The following F11R variants were observed in gnomAD, a reference collection of about 807,000 sequenced individuals.
F11R encodes the protein junctional adhesion molecule A.
A neutral mutation model predicts 39.3 loss-of-function variants in F11R; 27 were observed. The observed-to-expected ratio is 0.69, with a 90% CI of 0.51 to 0.95. The LOEUF (loss-of-function observed/expected upper bound fraction) is 0.95, where lower values mean the gene tolerates loss of function less well. F11R is among the 40% of genes least tolerant of loss of function. The pLI, the probability that F11R is intolerant of heterozygous loss-of-function variation, is 0.00. For missense variants in F11R, 335 were observed against 372.7 expected, an observed-to-expected ratio of 0.90 and a Z score of 0.83; for synonymous variants, 131 against 144.9, an observed-to-expected ratio of 0.90 and a Z score of 0.69.
Position 160,998,606 on chromosome 1 carries a change from T to G in F11R, c.*265A>C. The G allele has an allele frequency of 1.7e-6, 1 of 583,060 alleles. No homozygotes were observed. The highest frequency in any genetic ancestry group is 3.0e-6 in the Non-Finnish European group (1 of 328,366). The allele number at this position is 583,060 out of a possible 1,614,324, so 36.1% of individuals were successfully genotyped here. ...AGGGAAGTCAATGGCATACCCAGGA[T>G]TCCTTCCTGATCCCTCAAAGAAATG... On this transcript the variant is annotated 3_prime_UTR_variant, in exon 10 of 10. Transcript: ENST00000368026.
intron 1 of F11R, among the ~76,000 whole-genome samples, chr1:161,017,691 C>T (rs1184997967): frequency 6.6e-6 from 1 of 152,158 alleles, no homozygotes; most frequent in African/African-American, 2.4e-5. Flanking sequence ...CGCTGGTTCC[C>T]CGGGTCTCCT....
chr1:161,004,469 C>A (rs1648685348), intron 1 of F11R, among the ~76,000 whole-genome samples: 1 of 152,012 alleles, frequency 6.6e-6, no homozygotes, highest in Non-Finnish European at 1.5e-5. Context: ...ATCACTTGAA[C>A]CCGGGAGGCA....
chr1:161,015,088 A>C (rs1302226486), intron 1 of F11R, among the ~76,000 whole-genome samples: 1 of 143,790 alleles, frequency 7.0e-6, no homozygotes, highest in Admixed American at 7.1e-5. Flanking sequence ...AAAAAAAAAA[A>C]ATTAAATTAA....
intron 1 of F11R, among the ~76,000 whole-genome samples, chr1:161,017,054 A>G (rs918493196): frequency 1.3e-5 from 2 of 152,144 alleles, no homozygotes; most frequent in South Asian, 2.1e-4. Flanking sequence ...TTGTTAAACA[A>G]ATGCTTGAAG....
chr1:161,015,407 A>AT (rs1553211260), intron 1 of F11R, among the ~76,000 whole-genome samples: 5,311 of 136,060 alleles, frequency 0.039, 170 homozygotes, highest in Middle Eastern at 0.099. Context: ...CAAAAAAAAA[A>AT]ATATATATAT....
chr1:161,019,961 A>C (rs940739557), intron 1 of F11R, among the ~76,000 whole-genome samples: 30 of 152,314 alleles, frequency 2.0e-4, no homozygotes, highest in African/African-American at 6.7e-4. Context: ...TACATACACC[A>C]AACTGATTGT....
intron 1 of F11R, among the ~76,000 whole-genome samples, chr1:161,015,268 G>A (rs892252801): frequency 6.7e-6 from 1 of 149,672 alleles, no homozygotes; most frequent in African/African-American, 2.5e-5. Context: ...AGTGGTGGCG[G>A]GCCCCTGTAG....
Position 161,000,275 on chromosome 1 carries a change from T to C in F11R, c.462A>G (p.Ser154=). Residue 154 remains serine (S), a synonymous_variant, in exon 5 of 10, where the codon TCA becomes TCG. Coordinates refer to ENST00000368026, the MANE Select transcript of F11R (RefSeq NM_016946.6). The stretch of plus-strand genomic sequence containing the variant: ...CAGAAGGTGGGGAACCATCTTGTTC[T>C]GAGCATGTCAGCACTGCCCGGTTCC... ...TIGNRAVLTC[S]EQDGSPPSEY... 6.2e-7 allele frequency: 1 copy of C among 1,614,188 alleles called. No individual in the cohort carries two copies. Among genetic ancestry groups the C allele is most frequent in the South Asian group, 1.1e-5 (1 of 91,086 alleles).
chr1:161,000,626 C>T lies in F11R; in HGVS notation c.388+5G>A, dbSNP rs749264677. On this transcript the variant is annotated splice_donor_5th_base_variant and intron_variant, in intron 4 of 9. Transcript: ENST00000368026. ...AGGCCCACCCAGAAGACATGGGGCA[C>T]GTACCAAGCACGATGAGCTTGACCT... 65 of 1,614,076 alleles carry T rather than the reference C, an allele frequency of 4.0e-5. No homozygotes were observed. In the East Asian group the frequency reaches 1.2e-3, roughly 30 times the overall value.
intron 1 of F11R, among the ~76,000 whole-genome samples, chr1:161,016,420 G>A (rs751796140): frequency 2.0e-5 from 3 of 152,064 alleles, no homozygotes; most frequent in Non-Finnish European, 4.4e-5. Flanking sequence ...AGTTTGCAGT[G>A]AGCCGAGATC....
At chr1:161,007,925 C>T (rs894680259) in intron 1 of F11R, among the ~76,000 whole-genome samples, 4 of 152,190 alleles carry the variant, frequency 2.6e-5, no homozygotes, top group Non-Finnish European at 5.9e-5. Context: ...TACATCAGGA[C>T]ACTCACAGTT....
At chr1:161,014,164 T>C (rs1354320110) in intron 1 of F11R, among the ~76,000 whole-genome samples, 1 of 152,240 alleles carries the variant, frequency 6.6e-6, no homozygotes. Flanking sequence ...ATCCAGGTCT[T>C]TCCTGAATCT....
At chr1:161,002,215 T>TCG (rs1239433707) in intron 1 of F11R, among the ~76,000 whole-genome samples, 1 of 137,496 alleles carries the variant, frequency 7.3e-6, no homozygotes, top group Non-Finnish European at 1.5e-5. Context: ...TGAGCCGAGA[T>TCG]CGCGCCACTG....
At chr1:161,017,601 C>T (rs1427151695) in intron 1 of F11R, among the ~76,000 whole-genome samples, 1 of 152,178 alleles carries the variant, frequency 6.6e-6, no homozygotes, top group African/African-American at 2.4e-5. Flanking sequence ...CTGACACATC[C>T]CCCTCTCAGA....
intron 7 of F11R, 77 bp from the exon 8 acceptor site, chr1:160,999,485 C>T (rs1376368382): frequency 5.6e-6 from 9 of 1,600,320 alleles, no homozygotes; most frequent in Non-Finnish European, 7.7e-6. Context: ...AGGGGCAGGC[C>T]CCCAGCTCTT....
At chr1:161,010,756 C>T (rs1461245471) in intron 1 of F11R, among the ~76,000 whole-genome samples, 1 of 151,810 alleles carries the variant, frequency 6.6e-6, no homozygotes. Flanking sequence ...GAGGCTGAGG[C>T]GGACGGATCA....
chr1:161,010,975 A>T lies in F11R; in HGVS notation c.65-9622T>A, dbSNP rs1213390868. Among the ~76,000 whole-genome samples, 9 of 29,178 alleles carry T rather than the reference A, an allele frequency of 3.1e-4. 1 individual carries two copies. In the East Asian group the frequency reaches 0.014, roughly 44 times the overall value. 19.1% of individuals were successfully genotyped at this position (29,178 alleles called of 152,430 possible). On this transcript the variant is annotated intron_variant, in intron 1 of 9. Transcript: ENST00000368026. ...GGCGATAGAGTGGGACTCCATCTTA[A>T]AAAAAAAAAAAAAAAAAAAAATTCA...
intron 1 of F11R, among the ~76,000 whole-genome samples, chr1:161,016,342 G>A (rs983850720): frequency 6.6e-6 from 1 of 152,148 alleles, no homozygotes; most frequent in Non-Finnish European, 1.5e-5. Flanking sequence ...CAGGCATGGT[G>A]GCGGGCGCCT....
At chr1:161,012,054 G>C (rs1462159941) in intron 1 of F11R, among the ~76,000 whole-genome samples, 1 of 151,990 alleles carries the variant, frequency 6.6e-6, no homozygotes, top group Non-Finnish European at 1.5e-5. Context: ...GCAGTTTCTT[G>C]AGTTCTGCTT....
Sources: gnomAD v4.1 joint callset for allele counts (sites outside exome capture counted in the v4.1 genomes callset) on GRCh38, gnomAD v4.1.1 for gene constraint, MANE v1.5 for transcripts, NCBI Gene and HGNC (gene_info 2026-07-23, HGNC 2026-07-21) for gene names.